The following FARP1 variants were observed in gnomAD, a reference collection of about 807,000 sequenced individuals.
The protein encoded by FARP1 is FERM, ARHGEF and pleckstrin domain-containing protein 1.
Under a neutral mutation model 128.8 loss-of-function variants are expected in FARP1, and 52 were observed. That is an observed-to-expected ratio of 0.40 (90% CI 0.32 to 0.51). FARP1 has a LOEUF of 0.51. FARP1 is among the 20% of genes least tolerant of loss of function. The pLI is 0.45. For synonymous variants in FARP1, 580 were observed against 551.8 expected, an observed-to-expected ratio of 1.05 and a Z score of -0.72; for missense variants, 1,333 against 1,367.9, an observed-to-expected ratio of 0.97 and a Z score of 0.40.
In FARP1 at chr13:98,453,080, G is replaced by T; in HGVS notation, c.*4763G>T. 1 of 1,462,948 alleles carries T rather than the reference G, an allele frequency of 6.8e-7. No individual in the cohort carries two copies. Among genetic ancestry groups the T allele is most frequent in the Non-Finnish European group, 9.5e-7 (1 of 1,055,932 alleles). 90.6% of individuals were successfully genotyped at this position (1,462,948 alleles called of 1,614,324 possible). On this transcript the variant is annotated 3_prime_UTR_variant, in exon 27 of 27. Transcript: ENST00000319562. The stretch of plus-strand genomic sequence containing the variant: ...TGGCTCCCAGTGGCGCACCTCTTCG[G>T]TGGAGTCAGCGAAGGCTCTCGTTGA...
At chr13:98,311,241 A>T (rs529017682) in intron 2 of FARP1, among the ~76,000 whole-genome samples, 10 of 152,196 alleles carry the variant, frequency 6.6e-5, no homozygotes, top group African/African-American at 2.4e-4. Context: ...CATTTTGCAC[A>T]TGGGAAACTG....
At chr13:98,277,617 G>T (rs924941720) in intron 2 of FARP1, among the ~76,000 whole-genome samples, 3 of 152,146 alleles carry the variant, frequency 2.0e-5, no homozygotes, top group Non-Finnish European at 4.4e-5. Flanking sequence ...GGAGACCTTC[G>T]GGGACGCCAC....
intron 2 of FARP1, among the ~76,000 whole-genome samples, chr13:98,250,256 GA>G (rs753735329): frequency 2.0e-5 from 3 of 152,128 alleles, no homozygotes; most frequent in Non-Finnish European, 4.4e-5. Flanking sequence ...GTTAAAATCT[GA>G]AACCATATGT....
chr13:98,308,588 T>C (rs1886299354), intron 2 of FARP1, among the ~76,000 whole-genome samples: 1 of 152,208 alleles, frequency 6.6e-6, no homozygotes, highest in African/African-American at 2.4e-5. Context: ...ACACACTCAA[T>C]TTCAAAGACT....
At chr13:98,210,814 A>G (rs1214405485) in intron 1 of FARP1, among the ~76,000 whole-genome samples, 3 of 152,044 alleles carry the variant, frequency 2.0e-5, no homozygotes, top group South Asian at 4.1e-4. Flanking sequence ...CTCCCAAAGT[A>G]CTGGGATTAC....
intron 2 of FARP1, among the ~76,000 whole-genome samples, chr13:98,238,000 T>C (rs1882527546): frequency 1.3e-5 from 2 of 152,118 alleles, no homozygotes; most frequent in African/African-American, 4.8e-5. Flanking sequence ...TCTAATAATA[T>C]GATTTGGGGA....
Position 98,390,067 on chromosome 13 carries a change from C to T in FARP1, c.966C>T (p.Pro322=), listed in dbSNP as rs765764441. The T allele has an allele frequency of 2.5e-6, 4 of 1,614,132 alleles. No homozygotes were observed. The highest frequency in any genetic ancestry group is 1.1e-5 in the South Asian group (1 of 91,080). Residue 322 remains proline (P), a synonymous_variant, in exon 10 of 27, where the codon CCC becomes CCT. Coordinates refer to ENST00000319562, the MANE Select transcript of FARP1 (RefSeq NM_005766.4). The part of the protein sequence containing the change: ...HHAFFRLFEE[P]KPKPKPVLFS... ...CCTTCTTTAGACTTTTTGAAGAGCC[C>T]AAACCAAAGCCCAAGCCCGTCCTCT...
chr13:98,304,594 T>A (rs771878419), intron 2 of FARP1, among the ~76,000 whole-genome samples: 1 of 152,184 alleles, frequency 6.6e-6, no homozygotes, highest in Non-Finnish European at 1.5e-5. Flanking sequence ...ACCCATTCGA[T>A]GGGCACAGCC....
intron 5 of FARP1, among the ~76,000 whole-genome samples, chr13:98,369,650 A>G (rs1449653633): frequency 6.6e-6 from 1 of 152,150 alleles, no homozygotes; most frequent in Admixed American, 6.5e-5. Flanking sequence ...TTTACTGAGA[A>G]TGATGATTTC....
chr13:98,205,873 A>G (rs1344971930), intron 1 of FARP1, among the ~76,000 whole-genome samples: 1 of 152,066 alleles, frequency 6.6e-6, no homozygotes, highest in African/African-American at 2.4e-5. Flanking sequence ...ATTTCCTGCT[A>G]ATGTCTTCCC....
chr13:98,380,425 TA>T (rs548146531), intron 6 of FARP1, among the ~76,000 whole-genome samples: 283 of 133,908 alleles, frequency 2.1e-3, no homozygotes, highest in Admixed American at 2.2e-3. Context: ...AGACTCTGTC[TA>T]AAAAAAAAAA....
At chr13:98,247,196 C>T (rs562408813) in intron 2 of FARP1, among the ~76,000 whole-genome samples, 7 of 152,260 alleles carry the variant, frequency 4.6e-5, no homozygotes, top group African/African-American at 1.7e-4. Flanking sequence ...GAGCTGAGAT[C>T]GCACCACTGC....
At chr13:98,323,443 A>G (rs536408409) in intron 2 of FARP1, among the ~76,000 whole-genome samples, 1 of 148,348 alleles carries the variant, frequency 6.7e-6, no homozygotes, top group East Asian at 1.9e-4. Context: ...GGTTGTTTAC[A>G]GTAGAAGTAT....
rs533078605 is a variant in FARP1 at position 98,222,926 on chromosome 13, G to A, written c.171+9513G>A. Among the ~76,000 whole-genome samples the A allele has an allele frequency of 7.0e-4, 106 of 151,970 alleles. 1 individual carries two copies. In the South Asian group the frequency reaches 0.012, roughly 18 times the overall value. On this transcript the variant is annotated intron_variant, in intron 2 of 26. Coordinates refer to ENST00000319562, the MANE Select transcript of FARP1 (RefSeq NM_005766.4). ...GCTGAGATTACAGACATGAGCCACCGTGCCTGGCCGGAAGGTGCTCTTAAG... is the reference window on the plus strand; with the variant it reads ...GCTGAGATTACAGACATGAGCCACCATGCCTGGCCGGAAGGTGCTCTTAAG...
Position 98,450,062 on chromosome 13 carries a change from T to G in FARP1, c.*1745T>G, listed in dbSNP as rs1893114443. ...GAATGATTGATTGATTCCAAACTACTTGCTGGACACTGGTGGTTCTGACCT... is the reference window on the plus strand; with the variant it reads ...GAATGATTGATTGATTCCAAACTACGTGCTGGACACTGGTGGTTCTGACCT... On this transcript the variant is annotated 3_prime_UTR_variant, in exon 27 of 27. Coordinates refer to ENST00000319562, the MANE Select transcript of FARP1 (RefSeq NM_005766.4). 1 of 152,236 alleles carries G rather than the reference T, an allele frequency of 6.6e-6. No homozygotes were observed. Among genetic ancestry groups the G allele is most frequent in the East Asian group, 1.9e-4 (1 of 5,194 alleles). 9.4% of individuals were successfully genotyped at this position (152,236 alleles called of 1,614,324 possible). A position where few individuals can be genotyped will look rare whatever the true frequency, so the allele number is the denominator to read the frequency against.
At chr13:98,195,465 CT>C (rs1281230058) in intron 1 of FARP1, among the ~76,000 whole-genome samples, 1 of 152,110 alleles carries the variant, frequency 6.6e-6, no homozygotes, top group Non-Finnish European at 1.5e-5. Flanking sequence ...CAGTTTTAAA[CT>C]ATATTTATTT....
chr13:98,411,112 C>T (rs143428636), intron 15 of FARP1, among the ~76,000 whole-genome samples: 43 of 152,276 alleles, frequency 2.8e-4, no homozygotes, highest in African/African-American at 8.2e-4. Flanking sequence ...CAGAACATGT[C>T]GTGTTTTGCC....
In FARP1 at chr13:98,453,281, C is replaced by A; in HGVS notation, c.*4964C>A. 2 of 1,474,960 alleles carry A rather than the reference C, an allele frequency of 1.4e-6. No homozygotes were observed. Among genetic ancestry groups the A allele is most frequent in the Admixed American group, 2.1e-5 (1 of 48,352 alleles). 91.4% of individuals were successfully genotyped at this position (1,474,960 alleles called of 1,614,324 possible). On this transcript the variant is annotated 3_prime_UTR_variant, in exon 27 of 27. Coordinates refer to ENST00000319562, the MANE Select transcript of FARP1 (RefSeq NM_005766.4). ...CCCTGTGCAAAAATTCATATAGTAA[C>A]CAAAATCTTAGTTTTCATAAGAAAT...
At chr13:98,441,441 C>T (rs181329231) in intron 24 of FARP1, among the ~76,000 whole-genome samples, 2 of 152,372 alleles carry the variant, frequency 1.3e-5, no homozygotes, top group East Asian at 1.9e-4. Flanking sequence ...GCTTCGCTTC[C>T]GTGAAGAACA....
Sources: gnomAD v4.1 joint callset for allele counts (sites outside exome capture counted in the v4.1 genomes callset) on GRCh38, gnomAD v4.1.1 for gene constraint, MANE v1.5 for transcripts, NCBI Gene and HGNC (gene_info 2026-07-23, HGNC 2026-07-21) for gene names.